TDRD7: variants seen among roughly 807,000 people sequenced by gnomAD.
TDRD7 encodes tudor domain-containing protein 7.
In TDRD7, 47 loss-of-function variants were observed where a neutral mutation model predicts 109.8. That is an observed-to-expected ratio of 0.43 (90% CI 0.34 to 0.55). The LOEUF is 0.55. Ranked by LOEUF, TDRD7 falls within the 20% of genes least tolerant of loss-of-function variation. The pLI, the probability that TDRD7 is intolerant of heterozygous loss-of-function variation, is 0.03. For synonymous variants in TDRD7, 424 were observed against 457.3 expected (o/e 0.93, Z 0.93); for missense variants, 1,164 against 1,319.2 (o/e 0.88, Z 1.82).
At chr9:97,471,375 T>C (rs1243918636) in intron 9 of TDRD7, among the ~76,000 whole-genome samples, 1 of 152,226 alleles carries the variant, frequency 6.6e-6, no homozygotes, top group Non-Finnish European at 1.5e-5. Flanking sequence ...TGAATTCTTA[T>C]GTCACAGGAG....
At chr9:97,445,011 G>C (rs930969666) in intron 6 of TDRD7, among the ~76,000 whole-genome samples, 1 of 152,234 alleles carries the variant, frequency 6.6e-6, no homozygotes, top group Non-Finnish European at 1.5e-5. Flanking sequence ...GGTCTGTCCA[G>C]TAGCAAAATG....
intron 10 of TDRD7, 51 bp downstream of exon 10, chr9:97,472,546 A>G (rs764516299): frequency 1.4e-6 from 2 of 1,379,816 alleles, no homozygotes; most frequent in African/African-American, 1.4e-5. Flanking sequence ...TATGAGAGAA[A>G]AATCACCAGA....
chr9:97,439,866 C>T (rs967025344), intron 5 of TDRD7, among the ~76,000 whole-genome samples: 8 of 152,170 alleles, frequency 5.3e-5, no homozygotes. Flanking sequence ...GTCAAAGAAT[C>T]TGAAGGTTAG....
intron 15 of TDRD7, 76 bp downstream of exon 15, chr9:97,483,427 C>G: frequency 6.4e-7 from 1 of 1,560,456 alleles, no homozygotes; most frequent in Non-Finnish European, 8.7e-7. Context: ...TTAATCTTGG[C>G]GGGGGGACTT....
intron 15 of TDRD7, among the ~76,000 whole-genome samples, chr9:97,484,930 C>G (rs1820900204): frequency 6.6e-6 from 1 of 152,216 alleles, no homozygotes; most frequent in South Asian, 2.1e-4. Context: ...TGAGCCCTTG[C>G]ACTCCCCACT....
chr9:97,460,116 G>A, intron 6 of TDRD7, 62 bp from the exon 7 acceptor site: 2 of 1,374,602 alleles, frequency 1.5e-6, no homozygotes, highest in Non-Finnish European at 2.1e-6. Flanking sequence ...ATGCATTAAT[G>A]TGTTTGTGGG....
chr9:97,487,420 C>G, intron 16 of TDRD7, 88 bp downstream of exon 16: 2 of 1,576,236 alleles, frequency 1.3e-6, no homozygotes, highest in South Asian at 2.2e-5. Flanking sequence ...AATCATTGGC[C>G]TCTTGAGTTT....
chr9:97,416,205 A>G (rs1407341536), intron 1 of TDRD7, among the ~76,000 whole-genome samples: 2 of 152,246 alleles, frequency 1.3e-5, no homozygotes, highest in East Asian at 3.8e-4. Flanking sequence ...ATAGTCCTCC[A>G]TGAAAGATAG....
At chr9:97,445,969 T>G (rs1339757641) in intron 6 of TDRD7, among the ~76,000 whole-genome samples, 2 of 152,094 alleles carry the variant, frequency 1.3e-5, no homozygotes, top group Non-Finnish European at 2.9e-5. Flanking sequence ...CTACAAAAAA[T>G]AAATTTAAAA....
At position 97,416,385 on chromosome 9, in the gene TDRD7, A is replaced by G. The variant is rs535697264; in HGVS notation, c.-7+4147A>G. 3.3e-5 allele frequency among the ~76,000 whole-genome samples: 5 copies of G among 152,340 alleles called. No individual in the cohort carries two copies. In the South Asian group the frequency reaches 1.0e-3, roughly 32 times the overall value. On this transcript the variant is annotated intron_variant, in intron 1 of 16. Coordinates refer to ENST00000355295, the MANE Select transcript of TDRD7 (RefSeq NM_014290.3). ...TTGTGCTTGCAGTATCCATTGGTCA[A>G]TTAAACATATAACTACCAAAAGCTG...
At chr9:97,462,020 T>C (rs1168713010) in intron 7 of TDRD7, among the ~76,000 whole-genome samples, 2 of 152,212 alleles carry the variant, frequency 1.3e-5, no homozygotes, top group Admixed American at 6.5e-5. Context: ...TTAGAGAGGA[T>C]AAAGCTTTTA....
intron 6 of TDRD7, among the ~76,000 whole-genome samples, chr9:97,453,959 T>C (rs1828555157): frequency 1.3e-5 from 2 of 152,168 alleles, no homozygotes; most frequent in South Asian, 4.1e-4. Flanking sequence ...TGGGAGACTT[T>C]AACACCCCGC....
chr9:97,460,138 C>A (rs1449818235), intron 6 of TDRD7, 40 bp from the exon 7 acceptor site: 3 of 1,559,384 alleles, frequency 1.9e-6, no homozygotes, highest in South Asian at 1.1e-5. Flanking sequence ...TGTTTATAGT[C>A]ACTGAAATAT....
intron 11 of TDRD7, among the ~76,000 whole-genome samples, chr9:97,474,257 A>G (rs904397052): frequency 5.9e-5 from 9 of 152,072 alleles, no homozygotes; most frequent in Admixed American, 4.6e-4. Context: ...CTCCATTAGG[A>G]CATTATGGTC....
At chr9:97,445,805 C>T (rs956030687) in intron 6 of TDRD7, among the ~76,000 whole-genome samples, 2 of 152,082 alleles carry the variant, frequency 1.3e-5, no homozygotes, top group African/African-American at 4.8e-5. Flanking sequence ...GATCCATGGC[C>T]TCTGGCTGAC....
intron 8 of TDRD7, among the ~76,000 whole-genome samples, chr9:97,468,070 G>A (rs537005298): frequency 1.3e-5 from 2 of 152,366 alleles, no homozygotes; most frequent in East Asian, 3.9e-4. Context: ...GGACCTGCTA[G>A]GTTTGAGAAT....
chr9:97,488,560 GTTTTTT>G (rs61689126), intron 16 of TDRD7, among the ~76,000 whole-genome samples: 10 of 140,598 alleles, frequency 7.1e-5, no homozygotes, highest in African/African-American at 1.8e-4. Flanking sequence ...AGATTTAATG[GTTTTTT>G]TTTTTTTTTT....
chr9:97,423,354 A>G (rs990496010), intron 1 of TDRD7, among the ~76,000 whole-genome samples: 3 of 148,890 alleles, frequency 2.0e-5, no homozygotes, highest in African/African-American at 7.4e-5. Flanking sequence ...TAGGATCTGT[A>G]TTGATGGCCC....
chr9:97,494,276 A>G (rs1481899166), intron 16 of TDRD7, among the ~76,000 whole-genome samples: 2 of 152,198 alleles, frequency 1.3e-5, no homozygotes. Context: ...CGGTCCCTCC[A>G]TTTGGGGTTC....
Sources: gnomAD v4.1 joint callset for allele counts (sites outside exome capture counted in the v4.1 genomes callset) on GRCh38, gnomAD v4.1.1 for gene constraint, MANE v1.5 for transcripts, NCBI Gene and HGNC (gene_info 2026-07-23, HGNC 2026-07-21) for gene names.